The following FREM2 variants were observed in gnomAD, a reference collection of about 807,000 sequenced individuals.
The protein encoded by FREM2 is FRAS1-related extracellular matrix protein 2.
A neutral mutation model predicts 219.9 loss-of-function variants in FREM2; 119 were observed. The observed-to-expected ratio is 0.54, with a 90% CI of 0.47 to 0.63. The LOEUF (loss-of-function observed/expected upper bound fraction) is 0.63, where lower values mean the gene tolerates loss of function less well. Among genes scored for constraint, FREM2 ranks in the 30% least tolerant of loss-of-function variants. The probability of loss-of-function intolerance (pLI) is 0.00; values close to 1 mark genes in which losing one functional copy is unlikely to be tolerated. For synonymous variants in FREM2, 1,562 were observed against 1,522.8 expected (o/e 1.03, Z -0.60); for missense variants, 4,030 against 3,993.6 (o/e 1.01, Z -0.25).
At position 38,689,661 on chromosome 13, in the gene FREM2, C is replaced by A; in HGVS notation, c.2317C>A (p.His773Asn). The A allele has an allele frequency of 1.2e-6, 2 of 1,614,070 alleles. No individual in the cohort carries two copies. The highest frequency in any genetic ancestry group is 1.7e-6 in the Non-Finnish European group (2 of 1,180,008). ...TGACAACCCCTCAGTCGTGGTGACC[C>A]ATTTTACCCAAGCCCAGATCAACCA... ...LTDNPSVVVT[H>N]FTQAQINHHK... Residue 773 changes from histidine (H) to asparagine (N), a missense_variant, in exon 1 of 24, where the codon CAT (histidine) becomes AAT (asparagine). Physicochemically the swap from His to Asn is moderately conservative, Grantham distance 68. Around this residue, in one of 2 missense-constraint regions of FREM2, gnomAD observed 3,102 missense variants for 2,950.7 expected, o/e 1.05. Transcript: ENST00000280481.
rs372949904 is a variant in FREM2 at position 38,737,068 on chromosome 13, G to A, written c.5264-27236G>A. ...TTACTGACTAATATGAAGCCACTTC[G>A]TGCTCCCCTACCCACCAGAATCCTG... On this transcript the variant is annotated intron_variant, in intron 2 of 23. Coordinates refer to ENST00000280481, the MANE Select transcript of FREM2 (RefSeq NM_207361.6). Among the ~76,000 whole-genome samples, 29 of 152,140 alleles carry A rather than the reference G, an allele frequency of 1.9e-4. 1 individual carries two copies. Among genetic ancestry groups the A allele is most frequent in the African/African-American group, 3.4e-4 (14 of 41,508 alleles).
intron 2 of FREM2, among the ~76,000 whole-genome samples, chr13:38,725,969 G>C (rs1871504110): frequency 1.3e-5 from 2 of 152,174 alleles, no homozygotes; most frequent in Admixed American, 6.5e-5. Flanking sequence ...TAAAGTGGAG[G>C]TTTTATTATT....
In FREM2 at chr13:38,880,397, A is replaced by G; in HGVS notation, c.9120A>G (p.Gln3040=). 6.2e-7 allele frequency: 1 copy of G among 1,614,170 alleles called. No homozygotes were observed. Among genetic ancestry groups the G allele is most frequent in the Non-Finnish European group, 8.5e-7 (1 of 1,180,038 alleles). The part of the protein sequence containing the change: ...RSVEYHSLVS[Q]GKPQSTTKSR... ...TGGAGTACCATTCTCTGGTGAGTCA[A>G]GGAAAGCCCCAATCCACCACCAAGA... Residue 3040 remains glutamine (Q), a synonymous_variant, in exon 24 of 24, where the codon CAA becomes CAG. Transcript: ENST00000280481.
intron 6 of FREM2, among the ~76,000 whole-genome samples, chr13:38,823,750 T>C (rs1764026592): frequency 6.6e-6 from 1 of 152,104 alleles, no homozygotes; most frequent in African/African-American, 2.4e-5. Context: ...ATGGTCATCT[T>C]ATTCTTCCTT....
At chr13:38,760,823 G>T (rs1354774926) in intron 2 of FREM2, among the ~76,000 whole-genome samples, 1 of 148,726 alleles carries the variant, frequency 6.7e-6, no homozygotes, top group Non-Finnish European at 1.5e-5. Flanking sequence ...GGAGAACACA[G>T]AAAATGACAA....
At chr13:38,734,617 C>G (rs1223686697) in intron 2 of FREM2, among the ~76,000 whole-genome samples, 2 of 151,728 alleles carry the variant, frequency 1.3e-5, no homozygotes, top group South Asian at 2.1e-4. Context: ...TTAAAGCATT[C>G]ATTCATTGAT....
At chr13:38,695,196 T>C (rs1387416100) in intron 1 of FREM2, among the ~76,000 whole-genome samples, 1 of 152,186 alleles carries the variant, frequency 6.6e-6, no homozygotes, top group African/African-American at 2.4e-5. Context: ...TATACATAAA[T>C]ATGTAACGTG....
chr13:38,800,180 T>C (rs982751178), intron 6 of FREM2, among the ~76,000 whole-genome samples: 1 of 152,204 alleles, frequency 6.6e-6, no homozygotes, highest in Admixed American at 6.5e-5. Context: ...GTTTTCATGA[T>C]GGTGAAAGTC....
intron 6 of FREM2, among the ~76,000 whole-genome samples, chr13:38,840,680 ATG>A (rs146703044): frequency 0.14 from 21,104 of 149,204 alleles, 1,753 homozygotes; most frequent in Admixed American, 0.24. Context: ...ATATGTATAC[ATG>A]TGTGTATATA....
chr13:38,741,728 CTCATCAG>C (rs1212915247), intron 2 of FREM2, among the ~76,000 whole-genome samples: 1 of 152,118 alleles, frequency 6.6e-6, no homozygotes, highest in Non-Finnish European at 1.5e-5. Context: ...AGCAGCTGTG[CTCATCAG>C]TCATAGAAAG....
rs886937539 is a variant in FREM2 at position 38,886,551 on chromosome 13, C to T, written c.*5764C>T. The T allele has an allele frequency of 1.3e-5, 2 of 152,142 alleles. No individual in the cohort carries two copies. The highest frequency in any genetic ancestry group is 6.6e-5 in the Admixed American group (1 of 15,256). The allele number at this position is 152,142 out of a possible 1,614,324, so 9.4% of individuals were successfully genotyped here. On this transcript the variant is annotated 3_prime_UTR_variant, in exon 24 of 24. Coordinates refer to ENST00000280481, the MANE Select transcript of FREM2 (RefSeq NM_207361.6). ...TAGCTGGAATTACAGGTGCCCACTA[C>T]CATGCCTGGCTAGTTTTTGTATTTT...
In FREM2 at chr13:38,859,275, T is replaced by C; in HGVS notation, c.7216-12T>C. 6.2e-7 allele frequency: 1 copy of C among 1,613,950 alleles called. No homozygotes were observed. Among genetic ancestry groups the C allele is most frequent in the Non-Finnish European group, 8.5e-7 (1 of 1,179,802 alleles). On this transcript the variant is annotated splice_polypyrimidine_tract_variant and intron_variant, in intron 13 of 23. Transcript: ENST00000280481. ...ACACTCTGTTCCTAACACAGTCATT[T>C]GTTTTCCGTAGGCTTGCAACCCCAA...
At chr13:38,727,695 A>G (rs1015030263) in intron 2 of FREM2, among the ~76,000 whole-genome samples, 4 of 152,226 alleles carry the variant, frequency 2.6e-5, no homozygotes, top group African/African-American at 4.8e-5. Context: ...GTACATTACA[A>G]TGGTAGCAAG....
At chr13:38,839,847 G>A (rs9548479) in intron 6 of FREM2, among the ~76,000 whole-genome samples, 1 of 152,190 alleles carries the variant, frequency 6.6e-6, no homozygotes, top group African/African-American at 2.4e-5. Flanking sequence ...AGTCTGCTGT[G>A]CTGGCAGCAA....
intron 2 of FREM2, among the ~76,000 whole-genome samples, chr13:38,708,289 A>G (rs1870620191): frequency 1.3e-5 from 2 of 152,100 alleles, no homozygotes; most frequent in Non-Finnish European, 2.9e-5. Context: ...ATTCTAATGG[A>G]TCTCTTTGTC....
rs9532291 is a variant in FREM2, at chr13:38,846,424, A to G, written c.6020-149A>G. On this transcript the variant is annotated intron_variant, in intron 6 of 23. Coordinates refer to ENST00000280481, the MANE Select transcript of FREM2 (RefSeq NM_207361.6). ...TATTTTCACCTGAAAAGTTTAGATTAAAGAGATGTTATCTCACTAAAAGGA... is the reference window on the plus strand; with the variant it reads ...TATTTTCACCTGAAAAGTTTAGATTGAAGAGATGTTATCTCACTAAAAGGA... 0.18 allele frequency: 128,779 copies of G among 718,632 alleles called. 15,674 individuals are homozygous for G. The highest frequency in any genetic ancestry group is 0.48 in the African/African-American group (26,992 of 56,122). 44.5% of individuals were successfully genotyped at this position (718,632 alleles called of 1,614,324 possible).
At chr13:38,783,031 C>G in intron 4 of FREM2, 39 bp from the exon 5 acceptor site, 1 of 1,610,596 alleles carries the variant, frequency 6.2e-7, no homozygotes, top group Non-Finnish European at 8.5e-7. Flanking sequence ...GTAAGAAGCT[C>G]AGACAAAAAT....
At chr13:38,744,979 A>G (rs918687190) in intron 2 of FREM2, among the ~76,000 whole-genome samples, 2 of 152,194 alleles carry the variant, frequency 1.3e-5, no homozygotes, top group African/African-American at 4.8e-5. Context: ...TCACTGAATC[A>G]CCTGTTTTGC....
chr13:38,805,277 C>A (rs1875180820), intron 6 of FREM2, among the ~76,000 whole-genome samples: 1 of 151,614 alleles, frequency 6.6e-6, no homozygotes, highest in Non-Finnish European at 1.5e-5. Flanking sequence ...GGAAAGGACT[C>A]ACTGCTAAGA....
Sources: allele counts gnomAD v4.1 joint callset (sites outside exome capture counted in the v4.1 genomes callset), GRCh38; gene constraint gnomAD v4.1.1; regional missense constraint gnomAD v4.1.1; transcripts MANE v1.5; gene names NCBI Gene and HGNC (gene_info 2026-07-23, HGNC 2026-07-21).